The following UCN3 variants were observed in gnomAD, a reference collection of about 807,000 sequenced individuals.
The protein encoded by UCN3 is urocortin-3.
Under a neutral mutation model 3.6 loss-of-function variants are expected in UCN3, and 3 were observed. The ratio of observed to expected loss-of-function variants is 0.83; its 90% CI spans 0.38 to 2.15. The LOEUF is 2.15. Ranked by LOEUF, UCN3 falls within the 30% of genes most tolerant of loss-of-function variation. The probability of loss-of-function intolerance (pLI) is 0.06; values close to 1 mark genes in which losing one functional copy is unlikely to be tolerated. For synonymous variants in UCN3, 100 were observed against 93.2 expected, an observed-to-expected ratio of 1.07 and a Z score of -0.42; for missense variants, 206 against 208.3, an observed-to-expected ratio of 0.99 and a Z score of 0.07.
intron 1 of UCN3, among the ~76,000 whole-genome samples, chr10:5,369,502 C>T (rs1396595810): frequency 3.9e-5 from 6 of 152,150 alleles, no homozygotes; most frequent in Non-Finnish European, 8.8e-5. Context: ...CAGAGGTTAT[C>T]GGCCCAAACC....
chr10:5,365,497 A>G lies in UCN3; in HGVS notation c.-7+267A>G, dbSNP rs139538460. On this transcript the variant is annotated intron_variant, in intron 1 of 1. Coordinates refer to ENST00000380433, the MANE Select transcript of UCN3 (RefSeq NM_053049.4). The surrounding 1 kb of genome is among the most constrained non-coding windows in gnomAD (Gnocchi z 4.4). ...TCCAAAGGTGTTAGATCAGAGGCAG[A>G]AGGTGTTCACACAAATCTGTTTTCT... Among the ~76,000 whole-genome samples the G allele has an allele frequency of 1.0e-3, 156 of 152,328 alleles. No individual in the cohort carries two copies. Among genetic ancestry groups the G allele is most frequent in the African/African-American group, 3.6e-3 (150 of 41,582 alleles).
Position 5,370,392 on chromosome 10 carries a change from T to TGTATGTGTGC in UCN3, c.-6-3319_-6-3318insGTGTGCGTAT, listed in dbSNP as rs1344095640. Among the ~76,000 whole-genome samples, 5 of 115,578 alleles carry TGTATGTGTGC rather than the reference T, an allele frequency of 4.3e-5. 2 individuals carry two copies. The highest frequency in any genetic ancestry group is 8.5e-5 in the Non-Finnish European group (5 of 58,538). 75.8% of individuals were successfully genotyped at this position (115,578 alleles called of 152,430 possible). ...GTGTGTATATGCGTGTATATGCGTGTGTATATGTGTGTGTATATGTGTGTG... is the reference window on the plus strand; with the variant it reads ...GTGTGTATATGCGTGTATATGCGTGTGTATGTGTGCGTATATGTGTGTGTATATGTGTGTG... On this transcript the variant is annotated intron_variant, in intron 1 of 1. Transcript: ENST00000380433.
chr10:5,370,051 GTATGTGTGTGTA>G lies in UCN3; in HGVS notation c.-6-3654_-6-3643del, dbSNP rs1295177675. Among the ~76,000 whole-genome samples the G allele has an allele frequency of 2.0e-3, 158 of 78,904 alleles. 2 individuals carry two copies. Among genetic ancestry groups the G allele is most frequent in the Non-Finnish European group, 3.2e-3 (124 of 38,338 alleles). 51.8% of individuals were successfully genotyped at this position (78,904 alleles called of 152,430 possible). On this transcript the variant is annotated intron_variant, in intron 1 of 1. Transcript: ENST00000380433. The stretch of plus-strand genomic sequence containing the variant: ...TGTATATGCGTGTGTATATGCGTGT[GTATGTGTGTGTA>G]TATGTGTGTATATGCGTGTGTATAT...
Position 5,370,908 on chromosome 10 carries a change from C to A in UCN3, c.-6-2807C>A, listed in dbSNP as rs111207951. 1.2e-4 allele frequency among the ~76,000 whole-genome samples: 9 copies of A among 76,714 alleles called. 1 individual carries two copies. The highest frequency in any genetic ancestry group is 3.6e-4 in the African/African-American group (8 of 22,138). The allele number at this position is 76,714 out of a possible 152,430, so 50.3% of individuals were successfully genotyped here. Reference sequence around the variant, plus strand: ...GCGTGTGTATATGCGTGTGTATATGCGTGTGTATATGCGTGTGTATATGTG... The same window carrying A: ...GCGTGTGTATATGCGTGTGTATATGAGTGTGTATATGCGTGTGTATATGTG... On this transcript the variant is annotated intron_variant, in intron 1 of 1. Transcript: ENST00000380433.
In UCN3 at chr10:5,374,410, C is replaced by G; in HGVS notation, c.*204C>G. On this transcript the variant is annotated 3_prime_UTR_variant, in exon 2 of 2. Coordinates refer to ENST00000380433, the MANE Select transcript of UCN3 (RefSeq NM_053049.4). ...GTCTCCCTCCTGCTCTGTCTGTACA[C>G]ACAGAAGTGCAGTATTGTCCAACCT... 1 of 583,552 alleles carries G rather than the reference C, an allele frequency of 1.7e-6. No individual in the cohort carries two copies. The highest frequency in any genetic ancestry group is 3.0e-6 in the Non-Finnish European group (1 of 331,224). The allele number at this position is 583,552 out of a possible 1,614,324, so 36.1% of individuals were successfully genotyped here.
chr10:5,373,835 G>T lies in UCN3; in HGVS notation c.115G>T (p.Ala39Ser), dbSNP rs143074510. ...AKPIFSCLNT[A>S]LSEAEKGQWE... is the part of the protein sequence containing the mutation. ...GCCCATCTTCAGCTGCCTCAACACC[G>T]CCCTGTCTGAGGCTGAGAAGGGCCA... is the stretch of plus-strand genomic sequence containing the variant. The change falls in exon 2 of 2, where the codon GCC becomes TCC. Residue 39 changes from alanine (A) to serine (S), a missense_variant. Coordinates refer to ENST00000380433, the MANE Select transcript of UCN3 (RefSeq NM_053049.4). 5.6e-6 allele frequency: 9 copies of T among 1,613,900 alleles called. No homozygotes were observed. Among genetic ancestry groups the T allele is most frequent in the South Asian group, 1.1e-5 (1 of 91,076 alleles).
intron 1 of UCN3, among the ~76,000 whole-genome samples, chr10:5,371,210 G>A (rs1440575319): frequency 6.6e-6 from 1 of 150,862 alleles, no homozygotes; most frequent in East Asian, 1.9e-4. Flanking sequence ...GTGTATGTGT[G>A]CATATGTGTG....
chr10:5,370,211 ATGTGTGTG>A (rs143748616), intron 1 of UCN3, among the ~76,000 whole-genome samples: 3 of 16,876 alleles, frequency 1.8e-4, no homozygotes, highest in Admixed American at 8.0e-4. Flanking sequence ...ATGCGTGTGT[ATGTGTGTG>A]TATGTGCGTG....
chr10:5,370,927 A>ATATGTGTGTGTTTATGTGTGTGTT lies in UCN3; in HGVS notation c.-6-2779_-6-2778insGTTTATGTGTGTGTTTATGTGTGT, dbSNP rs1564443841. 1.5e-5 allele frequency among the ~76,000 whole-genome samples: 2 copies of ATATGTGTGTGTTTATGTGTGTGTT among 131,176 alleles called. 1 individual carries two copies. Among genetic ancestry groups the ATATGTGTGTGTTTATGTGTGTGTT allele is most frequent in the Non-Finnish European group, 3.2e-5 (2 of 62,398 alleles). 86.1% of individuals were successfully genotyped at this position (131,176 alleles called of 152,430 possible). On this transcript the variant is annotated intron_variant, in intron 1 of 1. Coordinates refer to ENST00000380433, the MANE Select transcript of UCN3 (RefSeq NM_053049.4). ...TATATGCGTGTGTATATGCGTGTGT[A>ATATGTGTGTGTTTATGTGTGTGTT]TATGTGTGTTCATGTGTATGTGTGT...
At chr10:5,370,879 A>ATGTGTG (rs1564443748) in intron 1 of UCN3, among the ~76,000 whole-genome samples, 3 of 76,586 alleles carry the variant, frequency 3.9e-5, no homozygotes, top group Non-Finnish European at 7.4e-5. Context: ...ATGTGTGTGT[A>ATGTGTG]TATGCGTGTG....
At chr10:5,369,985 ATATGTGTGTATGTGTGTGTG>A (rs1831326891) in intron 1 of UCN3, among the ~76,000 whole-genome samples, 2 of 53,892 alleles carry the variant, frequency 3.7e-5, no homozygotes, top group African/African-American at 2.1e-4. Context: ...ATGCGTGTGT[ATATGTGTGTATGTGTGTGTG>A]TATGTGTGTG....
intron 1 of UCN3, among the ~76,000 whole-genome samples, chr10:5,370,328 TGC>T (rs1469280958): frequency 3.8e-5 from 3 of 78,114 alleles, no homozygotes; most frequent in Admixed American, 1.4e-4. Flanking sequence ...TGTGTGTATA[TGC>T]GTGTGTATAT....
At position 5,367,965 on chromosome 10, in the gene UCN3, G is replaced by T. The variant is rs1332773331; in HGVS notation, c.-7+2735G>T. Among the ~76,000 whole-genome samples, 1 of 151,928 alleles carries T rather than the reference G, an allele frequency of 6.6e-6. No individual in the cohort carries two copies. The highest frequency in any genetic ancestry group is 1.5e-5 in the Non-Finnish European group (1 of 67,980). On this transcript the variant is annotated intron_variant, in intron 1 of 1. Transcript: ENST00000380433. This position sits in a 1 kb window ranked among gnomAD's most constrained non-coding sequence, Gnocchi z 4.3. ...GGAACCCACAGAGGGAGGCCTGAGGGTAGCTCCAGGGTTGCATCTCAGCAC... is the reference window on the plus strand; with the variant it reads ...GGAACCCACAGAGGGAGGCCTGAGGTTAGCTCCAGGGTTGCATCTCAGCAC...
At chr10:5,371,429 C>T (rs76894700) in intron 1 of UCN3, among the ~76,000 whole-genome samples, 7,478 of 151,856 alleles carry the variant, frequency 0.049, 451 homozygotes, top group African/African-American at 0.14. Context: ...TGTCTATGTT[C>T]CTGTGCGTCC....
At chr10:5,370,964 GTGTGTA>G (rs1350565952) in intron 1 of UCN3, among the ~76,000 whole-genome samples, 13 of 140,960 alleles carry the variant, frequency 9.2e-5, no homozygotes, top group South Asian at 2.3e-4. Flanking sequence ...AGGTGTGTGT[GTGTGTA>G]TGTATGTACA....
intron 1 of UCN3, among the ~76,000 whole-genome samples, chr10:5,371,002 C>T (rs1308566051): frequency 9.5e-5 from 14 of 147,856 alleles, no homozygotes; most frequent in South Asian, 2.1e-4. Flanking sequence ...TATGTGTGTG[C>T]ATATGTGTGC....
rs1300594335 is a variant in UCN3, at chr10:5,365,892, C to T, written c.-7+662C>T. ...AACATTGCGGGGGTGTGTGCAGATA[C>T]CTACAATGGCTAACTCCTACCTGTG... On this transcript the variant is annotated intron_variant, in intron 1 of 1. Transcript: ENST00000380433. The surrounding 1 kb of genome is among the most constrained non-coding windows in gnomAD (Gnocchi z 4.4). Among the ~76,000 whole-genome samples, 4 of 152,146 alleles carry T rather than the reference C, an allele frequency of 2.6e-5. No individual in the cohort carries two copies. Among genetic ancestry groups the T allele is most frequent in the African/African-American group, 7.2e-5 (3 of 41,416 alleles).
At chr10:5,370,813 G>GTA (rs1564443577) in intron 1 of UCN3, among the ~76,000 whole-genome samples, 14 of 102,354 alleles carry the variant, frequency 1.4e-4, no homozygotes, top group African/African-American at 5.3e-4. Flanking sequence ...ATGTGTGTGT[G>GTA]CGTGTGTGTG....
In UCN3 at chr10:5,370,349, A is replaced by G. The variant is rs149841879; in HGVS notation, c.-6-3366A>G. 4.7e-4 allele frequency among the ~76,000 whole-genome samples: 16 copies of G among 34,228 alleles called. 2 individuals carry two copies. The highest frequency in any genetic ancestry group is 2.8e-3 in the East Asian group (4 of 1,444). The allele number at this position is 34,228 out of a possible 152,430, so 22.5% of individuals were successfully genotyped here. On this transcript the variant is annotated intron_variant, in intron 1 of 1. Transcript: ENST00000380433. ...TATATGCGTGTGTATATGCGTGTGT[A>G]TATGTGTGTGTATATGCGTGTGTAT...
Sources: gnomAD v4.1 joint callset for allele counts (sites outside exome capture counted in the v4.1 genomes callset) on GRCh38, gnomAD v4.1.1 for gene constraint, Gnocchi (gnomAD v3.1) non-coding constraint, MANE v1.5 for transcripts, NCBI Gene and HGNC (gene_info 2026-07-23, HGNC 2026-07-21) for gene names.